The following SELENOF variants were observed in gnomAD, a reference collection of about 807,000 sequenced individuals.
The protein encoded by SELENOF is selenoprotein F.
A neutral mutation model predicts 20.5 loss-of-function variants in SELENOF; 16 were observed. The ratio of observed to expected loss-of-function variants is 0.78; its 90% CI spans 0.53 to 1.19. SELENOF has a LOEUF of 1.19. Among genes scored for constraint, SELENOF ranks in the 50% most tolerant of loss-of-function variants. The probability of loss-of-function intolerance (pLI) is 0.00; values close to 1 mark genes in which losing one functional copy is unlikely to be tolerated. For missense variants in SELENOF, 215 were observed against 194.2 expected (o/e 1.11, Z -0.64); for synonymous variants, 78 against 74.5 (o/e 1.05, Z -0.24).
intron 2 of SELENOF, among the ~76,000 whole-genome samples, chr1:86,895,033 A>T (rs567955349): frequency 6.6e-6 from 1 of 152,324 alleles, no homozygotes; most frequent in South Asian, 2.1e-4. Context: ...TCCTTTTTAA[A>T]ATGTGTCAGT....
chr1:86,896,088 T>C (rs1557466643), intron 2 of SELENOF, among the ~76,000 whole-genome samples: 1 of 151,748 alleles, frequency 6.6e-6, no homozygotes, highest in African/African-American at 2.4e-5. Context: ...ACTAGCCGGG[T>C]GTGTTGGCAG....
chr1:86,881,998 C>G (rs1023873859), intron 2 of SELENOF, among the ~76,000 whole-genome samples: 14 of 152,048 alleles, frequency 9.2e-5, no homozygotes, highest in African/African-American at 3.1e-4. Flanking sequence ...CTTAGGGAGG[C>G]TGAGGTGGGC....
chr1:86,899,409 A>AG (rs1659614213), intron 2 of SELENOF, among the ~76,000 whole-genome samples: 1 of 106,804 alleles, frequency 9.4e-6, no homozygotes, highest in African/African-American at 4.7e-5. Flanking sequence ...CTGGCCGGGC[A>AG]GGGGGCCGAC....
chr1:86,889,068 C>T (rs17417765), intron 2 of SELENOF, among the ~76,000 whole-genome samples: 1 of 151,454 alleles, frequency 6.6e-6, no homozygotes, highest in Non-Finnish European at 1.5e-5. Flanking sequence ...TAAAAAGATA[C>T]AAAAATAAAG....
At chr1:86,907,409 T>G (rs917295453) in intron 1 of SELENOF, among the ~76,000 whole-genome samples, 2 of 152,208 alleles carry the variant, frequency 1.3e-5, no homozygotes, top group African/African-American at 4.8e-5. Context: ...TTCTAGCTGT[T>G]CTATCACTGG....
intron 1 of SELENOF, chr1:86,913,823 C>G (rs1277848943): frequency 5.1e-6 from 3 of 591,732 alleles, no homozygotes; most frequent in East Asian, 5.6e-5. Flanking sequence ...AATCTGAAAT[C>G]AAGAGAAAAC....
At chr1:86,904,276 G>A (rs1284698429) in intron 1 of SELENOF, among the ~76,000 whole-genome samples, 9 of 152,104 alleles carry the variant, frequency 5.9e-5, no homozygotes, top group South Asian at 2.1e-4. Context: ...TACAAGATTC[G>A]TGACCCTGGG....
chr1:86,892,031 A>G (rs1381554328), intron 2 of SELENOF, among the ~76,000 whole-genome samples: 1 of 151,952 alleles, frequency 6.6e-6, no homozygotes, highest in Non-Finnish European at 1.5e-5. Context: ...CCCAGGTTCA[A>G]GCGATTCTCC....
chr1:86,884,342 T>TACAC (rs745394340), intron 2 of SELENOF, among the ~76,000 whole-genome samples: 1 of 128,590 alleles, frequency 7.8e-6, no homozygotes, highest in Non-Finnish European at 1.6e-5. Flanking sequence ...CGGGCGCACA[T>TACAC]ACATACACAC....
At chr1:86,893,898 A>C (rs1397271015) in intron 2 of SELENOF, among the ~76,000 whole-genome samples, 1 of 152,186 alleles carries the variant, frequency 6.6e-6, no homozygotes, top group Non-Finnish European at 1.5e-5. Flanking sequence ...TATATTCATA[A>C]ATTTATGTTA....
At chr1:86,908,186 G>C (rs755412970) in intron 1 of SELENOF, among the ~76,000 whole-genome samples, 1 of 152,054 alleles carries the variant, frequency 6.6e-6, no homozygotes, top group African/African-American at 2.4e-5. Flanking sequence ...CTACATATTC[G>C]TTGTCTCTTC....
At chr1:86,910,612 G>GCAGATC (rs1557474269) in intron 1 of SELENOF, among the ~76,000 whole-genome samples, 1 of 151,772 alleles carries the variant, frequency 6.6e-6, no homozygotes, top group African/African-American at 2.4e-5. Context: ...GCTGAGGCAG[G>GCAGATC]AGACTGGCTT....
rs1484381047 is a variant in SELENOF, at chr1:86,862,577, T to C, written c.*897A>G. On this transcript the variant is annotated 3_prime_UTR_variant, in exon 5 of 5. Coordinates refer to ENST00000331835, the MANE Select transcript of SELENOF (RefSeq NM_004261.5). ...AAAATCAGACAAATATAAAGCACTA[T>C]TACCAACAATAAGATGTTATAAGTT... 1 of 152,106 alleles carries C rather than the reference T, an allele frequency of 6.6e-6. No homozygotes were observed. Among genetic ancestry groups the C allele is most frequent in the Non-Finnish European group, 1.5e-5 (1 of 68,012 alleles). 9.4% of individuals were successfully genotyped at this position (152,106 alleles called of 1,614,324 possible).
intron 2 of SELENOF, among the ~76,000 whole-genome samples, chr1:86,900,758 T>A (rs1659681650): frequency 6.6e-6 from 1 of 152,174 alleles, no homozygotes; most frequent in Non-Finnish European, 1.5e-5. Context: ...CAGGATGGTC[T>A]CGATCTCCTG....
At chr1:86,872,228 GCAA>G (rs1658791984) in intron 3 of SELENOF, among the ~76,000 whole-genome samples, 2 of 152,284 alleles carry the variant, frequency 1.3e-5, no homozygotes, top group East Asian at 3.9e-4. Flanking sequence ...ACCAAAATGA[GCAA>G]TGTGCTTTGA....
chr1:86,880,735 GA>G lies in SELENOF; in HGVS notation c.253-11del. 1 of 1,522,094 alleles carries G rather than the reference GA, an allele frequency of 6.6e-7. No homozygotes were observed. The highest frequency in any genetic ancestry group is 8.8e-7 in the Non-Finnish European group (1 of 1,133,638). The allele number at this position is 1,522,094 out of a possible 1,614,324, so 94.3% of individuals were successfully genotyped here. A position where few individuals can be genotyped will look rare whatever the true frequency, so the allele number is the denominator to read the frequency against. On this transcript the variant is annotated splice_polypyrimidine_tract_variant and intron_variant, in intron 2 of 4. Transcript: ENST00000331835. ...TAGCTCCTGCATACAGCTACAAAAG[GA>G]AAAACAGGAATTTAAAAAACTGGTA...
chr1:86,906,364 T>C (rs1234763490), intron 1 of SELENOF, among the ~76,000 whole-genome samples: 1 of 152,244 alleles, frequency 6.6e-6, no homozygotes, highest in Non-Finnish European at 1.5e-5. Context: ...ACAATCAATA[T>C]GTATCAAAGG....
At chr1:86,896,256 G>T (rs972093063) in intron 2 of SELENOF, among the ~76,000 whole-genome samples, 1 of 151,738 alleles carries the variant, frequency 6.6e-6, no homozygotes, top group African/African-American at 2.4e-5. Context: ...AACAAAGAGG[G>T]GGGGAGGGGG....
intron 2 of SELENOF, among the ~76,000 whole-genome samples, chr1:86,882,069 T>C (rs946552446): frequency 1.3e-5 from 2 of 151,444 alleles, no homozygotes; most frequent in African/African-American, 2.4e-5. Context: ...CCGTCACTAC[T>C]AAAAATACAA....
Sources: allele counts gnomAD v4.1 joint callset (sites outside exome capture counted in the v4.1 genomes callset), GRCh38; gene constraint gnomAD v4.1.1; transcripts MANE v1.5; gene names NCBI Gene and HGNC (gene_info 2026-07-23, HGNC 2026-07-21).